CELSR1: variants seen among roughly 807,000 people sequenced by gnomAD.
CELSR1 encodes the protein cadherin EGF LAG seven-pass G-type receptor 1.
CELSR1 carries 110 observed loss-of-function variants against 249.1 expected under a neutral mutation model. The ratio of observed to expected loss-of-function variants is 0.44; its 90% confidence interval spans 0.38 to 0.52. The LOEUF (loss-of-function observed/expected upper bound fraction) is 0.52. Ranked by LOEUF, CELSR1 falls within the 20% of genes least tolerant of loss-of-function variation. The pLI is 0.00. For synonymous variants in CELSR1, 2,113 were observed against 1,900.0 expected, an observed-to-expected ratio of 1.11 and a Z score of -2.92; for missense variants, 4,109 against 4,296.4, an observed-to-expected ratio of 0.96 and a Z score of 1.22.
chr22:46,464,134 G>A lies in CELSR1; in HGVS notation c.3756C>T (p.Asp1252=), dbSNP rs779735693. ...VFVFNVQNDT[D]VSSNILNVTF... is the part of the protein sequence containing the mutation. ...TCACGTTCAGGATGTTGGAGCTGAC[G>A]TCGGTGTCGTTCTGGACGTTGAAGA... is the stretch of plus-strand genomic sequence containing the variant. The change falls in exon 2 of 35, where the codon GAC becomes GAT. Residue 1252 remains aspartate (D), a synonymous_variant. Coordinates refer to ENST00000674500, the MANE Select transcript of CELSR1 (RefSeq NM_001378328.1). The surrounding 1 kb of genome is among the most constrained non-coding windows in gnomAD (Gnocchi z 8.5). 2.3e-5 allele frequency: 37 copies of A among 1,613,756 alleles called. No homozygotes were observed. Among genetic ancestry groups the A allele is most frequent in the East Asian group, 6.7e-5 (3 of 44,886 alleles).
chr22:46,503,825 G>A (rs2080488653), intron 1 of CELSR1, among the ~76,000 whole-genome samples: 1 of 151,926 alleles, frequency 6.6e-6, no homozygotes, highest in Non-Finnish European at 1.5e-5. Context: ...AAGGCCAGGA[G>A]TTTGAGACCA....
At position 46,391,643 on chromosome 22, in the gene CELSR1, G is replaced by A. The variant is rs370545626; in HGVS notation, c.6138C>T (p.Leu2046=). The change falls in exon 15 of 35, where the codon CTC becomes CTT. Residue 2046 remains leucine (L), a synonymous_variant. Coordinates refer to ENST00000674500, the MANE Select transcript of CELSR1 (RefSeq NM_001378328.1). This position sits in a 1 kb window ranked among gnomAD's most constrained non-coding sequence, Gnocchi z 4.3. ...CDNPFAEVTT[L]GCEVIYNGCP... ...AGGGGCAACGCGGACCTTCACAGCC[G>A]AGCGTGGTGACCTCGGCAAACGGGT... 1.1e-4 allele frequency: 179 copies of A among 1,600,848 alleles called. No individual in the cohort carries two copies. The highest frequency in any genetic ancestry group is 8.9e-4 in the East Asian group (40 of 44,754).
chr22:46,367,840 G>C lies in CELSR1; in HGVS notation c.7968C>G (p.Thr2656=). 1 of 1,610,812 alleles carries C rather than the reference G, an allele frequency of 6.2e-7. No homozygotes were observed. The highest frequency in any genetic ancestry group is 1.1e-5 in the South Asian group (1 of 90,402). ...GKKGIVSLLR[T]AFLLLLLISA... Reference sequence around the variant, plus strand: ...TGATGAGCAGCAGCAGGAGGAATGCGGTCCTCAGCAGGGAGCTGCGGGAGG... The same window carrying C: ...TGATGAGCAGCAGCAGGAGGAATGCCGTCCTCAGCAGGGAGCTGCGGGAGG... Residue 2656 remains threonine, a synonymous_variant, in exon 28 of 35, where the codon ACC becomes ACG. Coordinates refer to ENST00000674500, the MANE Select transcript of CELSR1 (RefSeq NM_001378328.1).
intron 5 of CELSR1, among the ~76,000 whole-genome samples, chr22:46,424,895 C>T (rs973561831): frequency 3.3e-5 from 5 of 152,202 alleles, no homozygotes; most frequent in Admixed American, 1.3e-4. Flanking sequence ...CACTTGAACC[C>T]AGGATGTGGA....
chr22:46,460,178 AACACACACACACAC>A (rs544352270), intron 2 of CELSR1, among the ~76,000 whole-genome samples: 20 of 103,040 alleles, frequency 1.9e-4, no homozygotes, highest in Middle Eastern at 5.0e-3. Context: ...TCAGTCTCAA[AACACACACACACAC>A]ACACACACAC....
At chr22:46,514,998 C>G (rs2080612139) in intron 1 of CELSR1, among the ~76,000 whole-genome samples, 1 of 152,208 alleles carries the variant, frequency 6.6e-6, no homozygotes, top group Non-Finnish European at 1.5e-5. Context: ...CCTCTTGGGC[C>G]CTGGCAACCA....
Position 46,381,104 on chromosome 22 carries a change from G to A in CELSR1, c.7089-149C>T, listed in dbSNP as rs2078973504. On this transcript the variant is annotated intron_variant, in intron 21 of 34. Transcript: ENST00000674500. The surrounding 1 kb of genome is among the most constrained non-coding windows in gnomAD (Gnocchi z 6.0). ...AGAGCTCGGACCCACGGACCCCACAGTATCTTCATCCCTAGAGCAGGTTTT... is the reference window on the plus strand; with the variant it reads ...AGAGCTCGGACCCACGGACCCCACAATATCTTCATCCCTAGAGCAGGTTTT... 5 of 782,818 alleles carry A rather than the reference G, an allele frequency of 6.4e-6. No homozygotes were observed. The highest frequency in any genetic ancestry group is 1.0e-5 in the Non-Finnish European group (5 of 494,112). The allele number at this position is 782,818 out of a possible 1,614,324, so 48.5% of individuals were successfully genotyped here.
At chr22:46,376,737 G>A (rs778143884) in intron 24 of CELSR1, among the ~76,000 whole-genome samples, 143 of 151,932 alleles carry the variant, frequency 9.4e-4, no homozygotes, top group African/African-American at 3.3e-3. Context: ...AACCTGGGAG[G>A]TGGAAGTTGC....
intron 22 of CELSR1, 29 bp from the exon 23 acceptor site, chr22:46,378,746 G>C: frequency 1.2e-6 from 2 of 1,602,194 alleles, no homozygotes; most frequent in Non-Finnish European, 1.7e-6. Context: ...AGGGGCAGGG[G>C]TAAGACGGTT....
At position 46,533,533 on chromosome 22, in the gene CELSR1, C is replaced by T. The variant is rs1053615080; in HGVS notation, c.3544+94G>A. The T allele has an allele frequency of 2.2e-5, 32 of 1,477,740 alleles. No individual in the cohort carries two copies. The Middle Eastern group carries it at 5.7e-4, about 26-fold the overall frequency. The allele number at this position is 1,477,740 out of a possible 1,614,324, so 91.5% of individuals were successfully genotyped here. A position where few individuals can be genotyped will look rare whatever the true frequency, so the allele number is the denominator to read the frequency against. ...GAGTTGCCCGGGCCCGGCCCAATTGCGCCCCGGCATGCCAGGCGGAGCCCT... is the reference window on the plus strand; with the variant it reads ...GAGTTGCCCGGGCCCGGCCCAATTGTGCCCCGGCATGCCAGGCGGAGCCCT... On this transcript the variant is annotated intron_variant, in intron 1 of 34. Transcript: ENST00000674500.
chr22:46,438,611 C>G (rs2079696116), intron 3 of CELSR1, among the ~76,000 whole-genome samples: 1 of 152,222 alleles, frequency 6.6e-6, no homozygotes, highest in African/African-American at 2.4e-5. Context: ...TGACAAGCAG[C>G]AGCGTAACAT....
rs2078723092 is a variant in CELSR1 at position 46,363,060 on chromosome 22, G to C, written c.*163C>G. Reference sequence around the variant, plus strand: ...CCTTTGTGTCTGGATGATCAGTCGGGGGGCTGCCACCATGGGGACCGCCAC... The same window carrying C: ...CCTTTGTGTCTGGATGATCAGTCGGCGGGCTGCCACCATGGGGACCGCCAC... On this transcript the variant is annotated 3_prime_UTR_variant, in exon 35 of 35. Transcript: ENST00000674500. The surrounding 1 kb of genome is among the most constrained non-coding windows in gnomAD (Gnocchi z 4.3). The C allele has an allele frequency of 1.4e-6, 2 of 1,452,488 alleles. No homozygotes were observed. Among genetic ancestry groups the C allele is most frequent in the Non-Finnish European group, 1.9e-6 (2 of 1,042,274 alleles). 90.0% of individuals were successfully genotyped at this position (1,452,488 alleles called of 1,614,324 possible).
At chr22:46,481,323 C>A in intron 1 of CELSR1, 2 of 653,076 alleles carry the variant, frequency 3.1e-6, no homozygotes, top group South Asian at 2.0e-5. Flanking sequence ...CTGGCAAAGA[C>A]TTTTATTTCC....
intron 1 of CELSR1, among the ~76,000 whole-genome samples, chr22:46,515,869 A>G (rs1325897072): frequency 6.6e-6 from 1 of 152,222 alleles, no homozygotes; most frequent in African/African-American, 2.4e-5. Flanking sequence ...AGAAAGTAGG[A>G]ATGAGTTCAG....
rs2080458324 is a variant in CELSR1, at chr22:46,500,793, G to A, written c.3544+32834C>T. On this transcript the variant is annotated intron_variant, in intron 1 of 34. Coordinates refer to ENST00000674500, the MANE Select transcript of CELSR1 (RefSeq NM_001378328.1). This position sits in a 1 kb window ranked among gnomAD's most constrained non-coding sequence, Gnocchi z 4.9. ...CCCCACAACTGGAGCTGCCCGGGAG[G>A]CCAGCAGCAGGTCAGGCCACTACAT... 6.6e-6 allele frequency among the ~76,000 whole-genome samples: 1 copy of A among 152,114 alleles called. No individual in the cohort carries two copies. The highest frequency in any genetic ancestry group is 1.9e-4 in the East Asian group (1 of 5,186).
At chr22:46,387,543 G>GAGAC (rs1253260957) in intron 18 of CELSR1, among the ~76,000 whole-genome samples, 1 of 152,022 alleles carries the variant, frequency 6.6e-6, no homozygotes, top group Non-Finnish European at 1.5e-5. Flanking sequence ...TATTTTAGAA[G>GAGAC]AGACAGGGTT....
chr22:46,467,979 C>T (rs1279636946), intron 1 of CELSR1, among the ~76,000 whole-genome samples: 1 of 152,094 alleles, frequency 6.6e-6, no homozygotes, highest in Non-Finnish European at 1.5e-5. Flanking sequence ...TGGGTTGCTA[C>T]TTTTTGTAAC....
rs1194865088 is a variant in CELSR1, at chr22:46,488,677, T to G, written c.3545-24332A>C. 7.1e-6 allele frequency among the ~76,000 whole-genome samples: 1 copy of G among 140,802 alleles called. No individual in the cohort carries two copies. The highest frequency in any genetic ancestry group is 1.5e-5 in the Non-Finnish European group (1 of 64,710). 92.4% of individuals were successfully genotyped at this position (140,802 alleles called of 152,430 possible). Reference sequence around the variant, plus strand: ...CCACAGCCCTGCCCTTTTTTTTTTTTGAGACGGAGTCTTGCTCTGTCACCC... The same window carrying G: ...CCACAGCCCTGCCCTTTTTTTTTTTGGAGACGGAGTCTTGCTCTGTCACCC... On this transcript the variant is annotated intron_variant, in intron 1 of 34. Coordinates refer to ENST00000674500, the MANE Select transcript of CELSR1 (RefSeq NM_001378328.1). This position sits in a 1 kb window ranked among gnomAD's most constrained non-coding sequence, Gnocchi z 4.7.
At chr22:46,435,725 A>G (rs1035886732) in intron 4 of CELSR1, among the ~76,000 whole-genome samples, 3 of 151,602 alleles carry the variant, frequency 2.0e-5, no homozygotes, top group Admixed American at 2.0e-4. Context: ...TTTTTGAGAC[A>G]GAGTCTCACT....
Sources: allele counts gnomAD v4.1 joint callset (sites outside exome capture counted in the v4.1 genomes callset), GRCh38; gene constraint gnomAD v4.1.1; non-coding constraint Gnocchi (gnomAD v3.1); transcripts MANE v1.5; gene names NCBI Gene and HGNC (gene_info 2026-07-23, HGNC 2026-07-21).